STS: variants seen among roughly 807,000 people sequenced by gnomAD.
STS encodes the protein steroid sulfatase.
Under a neutral mutation model 26.8 loss-of-function variants are expected in STS, and 7 were observed. The observed-to-expected ratio is 0.26, with a 90% confidence interval of 0.15 to 0.49. The LOEUF (loss-of-function observed/expected upper bound fraction) is 0.49. STS is among the 20% of genes least tolerant of loss of function. The pLI is 0.98. For missense variants in STS, 434 were observed against 465.6 expected (o/e 0.93, Z 0.63); for synonymous variants, 199 against 189.4 (o/e 1.05, Z -0.42).
chrX:7,308,872 G>A, intron 8 of STS, among the ~76,000 whole-genome samples: 1 of 111,788 alleles, frequency 8.9e-6, no homozygotes, highest in African/African-American at 3.2e-5. Flanking sequence ...CTCTAGAGCT[G>A]CAAACTCGAA....
intron 2 of STS, among the ~76,000 whole-genome samples, chrX:7,202,934 A>C: frequency 9.4e-6 from 1 of 106,424 alleles, no homozygotes; most frequent in African/African-American, 3.4e-5. Context: ...ATCTCTCTCT[A>C]TCCATCTCTG....
chrX:7,252,544 G>A (rs941483934), intron 2 of STS, among the ~76,000 whole-genome samples: 1 of 111,491 alleles, frequency 9.0e-6, no homozygotes, highest in Non-Finnish European at 1.9e-5. Flanking sequence ...ACAGCAAAAT[G>A]AAGTAGAAAG....
At chrX:7,245,778 A>T (rs954311248) in intron 2 of STS, among the ~76,000 whole-genome samples, 3 of 112,212 alleles carry the variant, frequency 2.7e-5, no homozygotes, top group Non-Finnish European at 5.6e-5. Context: ...AAGGAATCTT[A>T]GAGGGTGTCC....
intron 8 of STS, among the ~76,000 whole-genome samples, chrX:7,320,423 C>G (rs1311233284): frequency 4.5e-5 from 5 of 110,311 alleles, no homozygotes; most frequent in African/African-American, 1.6e-4. Context: ...GGTGCTTTTT[C>G]CTGATTTAAT....
chrX:7,329,847 G>A (rs1045755609), intron 9 of STS, among the ~76,000 whole-genome samples: 7 of 111,985 alleles, frequency 6.3e-5, no homozygotes, highest in African/African-American at 2.3e-4. Flanking sequence ...TGGATCCAAG[G>A]TTTCTACTTA....
At chrX:7,193,118 T>A (rs1933908276) in intron 2 of STS, among the ~76,000 whole-genome samples, 1 of 112,655 alleles carries the variant, frequency 8.9e-6, no homozygotes, top group Non-Finnish European at 1.9e-5. Context: ...ATTCTCCGTC[T>A]GAAAGCAACA....
intron 2 of STS, among the ~76,000 whole-genome samples, chrX:7,241,532 A>G (rs1287722699): frequency 8.9e-6 from 1 of 112,162 alleles, no homozygotes; most frequent in Non-Finnish European, 1.9e-5. Flanking sequence ...AATTGCTTAT[A>G]TAAATTCTGA....
At chrX:7,344,147 T>G (rs1928418642) in intron 10 of STS, among the ~76,000 whole-genome samples, 1 of 112,052 alleles carries the variant, frequency 8.9e-6, no homozygotes, top group South Asian at 3.8e-4. Flanking sequence ...GTGGCGAATT[T>G]GTGCTATGAT....
chrX:7,207,601 G>C (rs1309928351), intron 2 of STS, among the ~76,000 whole-genome samples: 3 of 111,771 alleles, frequency 2.7e-5, no homozygotes, highest in Admixed American at 9.5e-5. Flanking sequence ...AGTCCCAGTA[G>C]GAAGGTTTCA....
intron 7 of STS, among the ~76,000 whole-genome samples, chrX:7,298,659 A>AAC (rs1360353425): frequency 9.0e-6 from 1 of 110,979 alleles, no homozygotes; most frequent in Admixed American, 9.8e-5. Flanking sequence ...TCCCTGAAGT[A>AAC]ACACCTAGCA....
intron 2 of STS, among the ~76,000 whole-genome samples, chrX:7,205,730 C>T (rs2091394433): frequency 9.6e-6 from 1 of 104,337 alleles, no homozygotes; most frequent in South Asian, 4.7e-4. Flanking sequence ...ATAGCAATCT[C>T]TTCCTCCTGG....
At chrX:7,157,570 A>G (rs1933160839) in intron 1 of STS, among the ~76,000 whole-genome samples, 2 of 112,210 alleles carry the variant, frequency 1.8e-5, no homozygotes, top group Admixed American at 1.9e-4. Context: ...AGTAATTTTC[A>G]TAGCTCGTAA....
intron 10 of STS, among the ~76,000 whole-genome samples, chrX:7,334,366 G>A (rs1927912080): frequency 1.8e-5 from 2 of 111,448 alleles, no homozygotes; most frequent in Admixed American, 1.9e-4. Context: ...CTCTATCCCA[G>A]CAGAGAAAGC....
rs764932426 is a variant in STS, at chrX:7,254,141, T to TG, written c.137+812dup. On this transcript the variant is annotated intron_variant, in intron 3 of 10. Transcript: ENST00000674429. Reference sequence around the variant, plus strand: ...GGGTGAGCATTTCAACATCTGAATCTGGGGGGGACACAAACATCGAGACCA... The same window carrying TG: ...GGGTGAGCATTTCAACATCTGAATCTGGGGGGGGACACAAACATCGAGACCA... Among the ~76,000 whole-genome samples the TG allele has an allele frequency of 2.2e-3, 245 of 111,742 alleles. 2 individuals are homozygous for TG. The highest frequency in any genetic ancestry group is 7.6e-3 in the African/African-American group (235 of 30,744).
chrX:7,158,435 A>C (rs1372482716), intron 1 of STS, among the ~76,000 whole-genome samples: 1 of 112,276 alleles, frequency 8.9e-6, no homozygotes, highest in Non-Finnish European at 1.9e-5. Flanking sequence ...CCCGCATCTC[A>C]GGAGTTGCAA....
intron 2 of STS, among the ~76,000 whole-genome samples, chrX:7,245,420 G>T (rs1242347221): frequency 2.7e-5 from 3 of 112,076 alleles, no homozygotes; most frequent in East Asian, 2.8e-4. Flanking sequence ...ATACATTTTT[G>T]ATTTAATGTG....
intron 1 of STS, among the ~76,000 whole-genome samples, chrX:7,166,393 A>G (rs11798412): frequency 0.23 from 25,026 of 110,334 alleles, 2,420 homozygotes; most frequent in Admixed American, 0.4. Flanking sequence ...TCGGTGGGAA[A>G]ACTAACCCCA....
intron 2 of STS, among the ~76,000 whole-genome samples, chrX:7,206,218 T>G (rs1934229087): frequency 8.9e-6 from 1 of 112,315 alleles, no homozygotes; most frequent in Non-Finnish European, 1.9e-5. Context: ...TCTCAGTCTC[T>G]TCCTCTGGAA....
intron 7 of STS, among the ~76,000 whole-genome samples, chrX:7,284,085 G>A (rs182783237): frequency 9.0e-6 from 1 of 111,448 alleles, no homozygotes; most frequent in African/African-American, 3.3e-5. Flanking sequence ...CACTTTCATG[G>A]TGGAGGTTTA....
Sources: allele counts gnomAD v4.1 joint callset (sites outside exome capture counted in the v4.1 genomes callset), GRCh38; gene constraint gnomAD v4.1.1; transcripts MANE v1.5; gene names NCBI Gene and HGNC (gene_info 2026-07-23, HGNC 2026-07-21).